The following SLC5A1 variants were observed in gnomAD, a reference collection of about 807,000 sequenced individuals.
SLC5A1 encodes the protein sodium/glucose cotransporter 1.
SLC5A1 carries 42 observed loss-of-function variants against 73.5 expected under a neutral mutation model. The ratio of observed to expected loss-of-function variants is 0.57; its 90% CI spans 0.45 to 0.74. The LOEUF (loss-of-function observed/expected upper bound fraction) is 0.74, where lower values mean the gene tolerates loss of function less well. SLC5A1 is among the 30% of genes least tolerant of loss of function. SLC5A1 has a pLI of 0.00. For missense variants in SLC5A1, 634 were observed against 855.4 expected, an observed-to-expected ratio of 0.74 and a Z score of 3.23; for synonymous variants, 300 against 317.4, an observed-to-expected ratio of 0.95 and a Z score of 0.58.
intron 12 of SLC5A1, among the ~76,000 whole-genome samples, chr22:32,100,711 C>T (rs2094034852): frequency 6.6e-6 from 1 of 152,070 alleles, no homozygotes; most frequent in Admixed American, 6.5e-5. Context: ...CCATGCCCAG[C>T]TAAGAAATAA....
At chr22:32,044,802 G>A (rs769748059) in intron 1 of SLC5A1, among the ~76,000 whole-genome samples, 6 of 152,186 alleles carry the variant, frequency 3.9e-5, no homozygotes, top group South Asian at 2.1e-4. Flanking sequence ...GTGAGGATAC[G>A]CAGAGGTGAA....
intron 10 of SLC5A1, among the ~76,000 whole-genome samples, chr22:32,088,604 G>A (rs2094011986): frequency 6.6e-6 from 1 of 152,048 alleles, no homozygotes; most frequent in Non-Finnish European, 1.5e-5. Flanking sequence ...CTCCCAAAGT[G>A]CTGGGATTAC....
chr22:32,100,503 GGTTT>G (rs1168370145), intron 12 of SLC5A1, among the ~76,000 whole-genome samples: 1 of 151,940 alleles, frequency 6.6e-6, no homozygotes, highest in Non-Finnish European at 1.5e-5. Flanking sequence ...TTGTTTTTGA[GGTTT>G]GTTACTTCTG....
chr22:32,104,847 A>G lies in SLC5A1; in HGVS notation c.1727A>G (p.Glu576Gly). 6.2e-7 allele frequency: 1 copy of G among 1,614,152 alleles called. No individual in the cohort carries two copies. The highest frequency in any genetic ancestry group is 8.5e-7 in the Non-Finnish European group (1 of 1,180,018). ...SKEERIDLDA[E>G]EENIQEGPKE... ...GAGGAGCGTATTGACCTGGATGCGG[A>G]AGAGGAGAACATCCAAGAAGGCCCT... The change falls in exon 14 of 15, where the codon GAA (glutamate) becomes GGA (glycine). Residue 576 changes from glutamate (E) to glycine (G), a missense_variant. Glu to Gly is a moderately conservative substitution (Grantham distance 98). Around this residue, in one of 3 missense-constraint regions of SLC5A1, gnomAD observed 161 missense variants for 178.7 expected, o/e 0.90. Transcript: ENST00000266088.
At chr22:32,060,130 CATAT>C (rs111569100) in intron 2 of SLC5A1, among the ~76,000 whole-genome samples, 2 of 70,296 alleles carry the variant, frequency 2.8e-5, no homozygotes, top group Non-Finnish European at 7.2e-5. Flanking sequence ...TACATACACA[CATAT>C]ATATACACAT....
At chr22:32,082,049 G>C in intron 6 of SLC5A1, 78 bp downstream of exon 6, 1 of 945,230 alleles carries the variant, frequency 1.1e-6, no homozygotes, top group Non-Finnish European at 1.8e-6. Flanking sequence ...GGAAGTAGGA[G>C]AGGTGGTTTC....
intron 14 of SLC5A1, 81 bp downstream of exon 14, chr22:32,104,972 A>G: frequency 9.7e-7 from 1 of 1,026,532 alleles, no homozygotes; most frequent in South Asian, 1.3e-5. Context: ...TCTTCCCTAA[A>G]TAATTTTATC....
chr22:32,080,034 A>C (rs148631042), intron 5 of SLC5A1, among the ~76,000 whole-genome samples: 1 of 152,332 alleles, frequency 6.6e-6, no homozygotes, highest in East Asian at 1.9e-4. Context: ...GACTTCCTGC[A>C]TAAACACGAG....
intron 9 of SLC5A1, 126 bp from the exon 10 acceptor site, chr22:32,086,094 T>TC (rs960950464): frequency 1.9e-5 from 13 of 691,334 alleles, no homozygotes; most frequent in Non-Finnish European, 3.2e-5. Context: ...TGAGCCGAGA[T>TC]CGTGCCACTG....
At chr22:32,058,222 C>T (rs1471718800) in intron 2 of SLC5A1, among the ~76,000 whole-genome samples, 1 of 152,128 alleles carries the variant, frequency 6.6e-6, no homozygotes, top group Non-Finnish European at 1.5e-5. Context: ...TTAATGGCTG[C>T]ACACTATTCC....
chr22:32,075,070 C>CT (rs1045791303), intron 5 of SLC5A1, among the ~76,000 whole-genome samples: 1,991 of 107,664 alleles, frequency 0.018, 28 homozygotes, highest in Non-Finnish European at 0.025. Flanking sequence ...CTATTTTTTA[C>CT]TTTTTTTTTT....
intron 13 of SLC5A1, among the ~76,000 whole-genome samples, chr22:32,104,039 A>T (rs1233510810): frequency 2.0e-5 from 3 of 152,218 alleles, no homozygotes; most frequent in African/African-American, 7.2e-5. Flanking sequence ...CCTTTACTTT[A>T]CTCATGCATG....
intron 2 of SLC5A1, chr22:32,059,086 T>G (rs1210475041): frequency 2.0e-6 from 2 of 985,174 alleles, no homozygotes; most frequent in African/African-American, 3.5e-5. Flanking sequence ...CTCTGTTAAG[T>G]GGAAGCAGGA....
intron 2 of SLC5A1, among the ~76,000 whole-genome samples, chr22:32,064,108 T>C (rs915858672): frequency 6.6e-6 from 1 of 152,148 alleles, no homozygotes; most frequent in Admixed American, 6.5e-5. Context: ...TAGTACAGCA[T>C]TAGGCTTAAT....
At chr22:32,051,942 C>G (rs1161143748) in intron 2 of SLC5A1, among the ~76,000 whole-genome samples, 2 of 152,208 alleles carry the variant, frequency 1.3e-5, no homozygotes, top group African/African-American at 4.8e-5. Flanking sequence ...AGGACACACA[C>G]AGACAGTCTC....
intron 9 of SLC5A1, 112 bp from the exon 10 acceptor site, chr22:32,086,108 T>C (rs2094007786): frequency 1.4e-6 from 1 of 735,354 alleles, no homozygotes; most frequent in East Asian, 2.8e-5. Context: ...GCCACTGCAC[T>C]CCAGCCTGGG....
In SLC5A1 at chr22:32,097,637, T is replaced by C. The variant is rs74677225; in HGVS notation, c.1281-1546T>C. Among the ~76,000 whole-genome samples the C allele has an allele frequency of 4.2e-3, 637 of 152,226 alleles. 3 individuals are homozygous for C. The highest frequency in any genetic ancestry group is 7.3e-3 in the Non-Finnish European group (497 of 68,014). On this transcript the variant is annotated intron_variant, in intron 11 of 14. Coordinates refer to ENST00000266088, the MANE Select transcript of SLC5A1 (RefSeq NM_000343.4). ...GTGTTTTTATTAATAACTCCATTAT[T>C]ATGAAGAAGAAGACAAAAGGGAAGA...
intron 7 of SLC5A1, among the ~76,000 whole-genome samples, chr22:32,083,666 A>AT (rs757611170): frequency 0.011 from 1,602 of 143,768 alleles, 11 homozygotes; most frequent in African/African-American, 0.023. Context: ...CCTCCAATTA[A>AT]TTTTTTTTTT....
At chr22:32,082,976 A>G in intron 6 of SLC5A1, 98 bp from the exon 7 acceptor site, 1 of 935,120 alleles carries the variant, frequency 1.1e-6, no homozygotes, top group Non-Finnish European at 1.6e-6. Context: ...ATGTTCTCAG[A>G]AGGCCAGCAG....
Sources: gnomAD v4.1 joint callset for allele counts (sites outside exome capture counted in the v4.1 genomes callset) on GRCh38, gnomAD v4.1.1 for gene constraint, gnomAD v4.1.1 regional missense constraint, MANE v1.5 for transcripts, NCBI Gene and HGNC (gene_info 2026-07-23, HGNC 2026-07-21) for gene names.